The following CSMD2 variants were observed in gnomAD, a reference collection of about 807,000 sequenced individuals.
CSMD2 encodes the protein CUB and sushi domain-containing protein 2.
A neutral mutation model predicts 398.5 loss-of-function variants in CSMD2; 130 were observed. That is an observed-to-expected ratio of 0.33 (90% confidence interval 0.28 to 0.38). The LOEUF is 0.38. Among genes scored for constraint, CSMD2 ranks in the 10% least tolerant of loss-of-function variants. CSMD2 has a pLI of 1.00. For synonymous variants in CSMD2, 1,828 were observed against 1,908.5 expected, an observed-to-expected ratio of 0.96 and a Z score of 1.10; for missense variants, 3,829 against 4,764.9, an observed-to-expected ratio of 0.80 and a Z score of 5.78.
At chr1:33,880,542 C>A (rs1428444486) in intron 5 of CSMD2, among the ~76,000 whole-genome samples, 1 of 152,192 alleles carries the variant, frequency 6.6e-6, no homozygotes, top group African/African-American at 2.4e-5. Flanking sequence ...AAAGTGTGAC[C>A]CACATATGAG....
At chr1:33,877,957 G>A (rs1285697206) in intron 5 of CSMD2, among the ~76,000 whole-genome samples, 1 of 152,086 alleles carries the variant, frequency 6.6e-6, no homozygotes, top group Non-Finnish European at 1.5e-5. Context: ...CTGATGAGTG[G>A]AGCCAATCAG....
At chr1:33,725,658 T>A in intron 16 of CSMD2, 122 bp from the exon 17 acceptor site, 2 of 810,462 alleles carry the variant, frequency 2.5e-6, no homozygotes, top group Non-Finnish European at 4.0e-6. Context: ...TGGGATCTTT[T>A]AATATAATTT....
At chr1:33,551,626 C>G (rs1657451815) in intron 55 of CSMD2, among the ~76,000 whole-genome samples, 1 of 152,196 alleles carries the variant, frequency 6.6e-6, no homozygotes, top group South Asian at 2.1e-4. Flanking sequence ...GGTATCTTCA[C>G]TTCTCAATGT....
At chr1:33,617,858 C>T (rs1641495603) in intron 37 of CSMD2, among the ~76,000 whole-genome samples, 1 of 152,054 alleles carries the variant, frequency 6.6e-6, no homozygotes, top group Non-Finnish European at 1.5e-5. Flanking sequence ...GGGTGTGATC[C>T]CAGGGGATGC....
At chr1:33,985,771 G>A (rs1266999957) in intron 3 of CSMD2, among the ~76,000 whole-genome samples, 1 of 152,128 alleles carries the variant, frequency 6.6e-6, no homozygotes, top group African/African-American at 2.4e-5. Flanking sequence ...GCCAAGCTTA[G>A]TCCTGCTGGT....
Position 33,519,556 on chromosome 1 carries a change from C to A in CSMD2, c.10858G>T (p.Ala3620Ser). ...CACACTGTGCTGACTGTGAACTCCGCCTCGCTGGCCATGATGTCTGTGGGC... is the reference window on the plus strand; with the variant it reads ...CACACTGTGCTGACTGTGAACTCCGACTCGCTGGCCATGATGTCTGTGGGC... ...IQPTDIMASE[A>S]EFTVSTVCTA... The change falls in exon 70 of 71, where the codon GCG (alanine) becomes TCG (serine). Residue 3620 changes from alanine to serine, a missense_variant. Ala to Ser is a moderately conservative substitution (Grantham distance 99). Transcript: ENST00000373381. This position sits in a 1 kb window ranked among gnomAD's most constrained non-coding sequence, Gnocchi z 5.6. 1 of 1,614,044 alleles carries A rather than the reference C, an allele frequency of 6.2e-7. No individual in the cohort carries two copies. The highest frequency in any genetic ancestry group is 8.5e-7 in the Non-Finnish European group (1 of 1,180,022).
chr1:34,088,579 G>A (rs1173283038), intron 2 of CSMD2, among the ~76,000 whole-genome samples: 1 of 152,230 alleles, frequency 6.6e-6, no homozygotes, highest in Non-Finnish European at 1.5e-5. Context: ...GTCCAGAAAA[G>A]TATTGATGGT....
chr1:33,824,346 C>T (rs942160354), intron 7 of CSMD2, among the ~76,000 whole-genome samples: 1 of 152,172 alleles, frequency 6.6e-6, no homozygotes, highest in African/African-American at 2.4e-5. Flanking sequence ...TCCCCTAAAC[C>T]CCCAGTCAAG....
chr1:33,955,751 C>CATA (rs1558156746), intron 3 of CSMD2, among the ~76,000 whole-genome samples: 12 of 112,818 alleles, frequency 1.1e-4, no homozygotes, highest in Non-Finnish European at 1.4e-4. Context: ...CCACCATCAC[C>CATA]ATCATCATCA....
intron 1 of CSMD2, among the ~76,000 whole-genome samples, chr1:34,138,355 G>A (rs1241388445): frequency 6.6e-6 from 1 of 152,184 alleles, no homozygotes; most frequent in African/African-American, 2.4e-5. Context: ...AATCTCATAT[G>A]TTTGCAAATA....
chr1:33,845,172 T>A (rs1481743020), intron 6 of CSMD2, among the ~76,000 whole-genome samples: 1 of 152,140 alleles, frequency 6.6e-6, no homozygotes, highest in East Asian at 1.9e-4. Flanking sequence ...CAAAGCACCA[T>A]CAGAGGAGGC....
chr1:33,789,046 T>C (rs1653899658), intron 11 of CSMD2, among the ~76,000 whole-genome samples: 2 of 152,144 alleles, frequency 1.3e-5, no homozygotes, highest in Non-Finnish European at 2.9e-5. Flanking sequence ...CAAGAGGGTG[T>C]CTACATTCTT....
chr1:33,670,063 C>T (rs1644442281), intron 25 of CSMD2, among the ~76,000 whole-genome samples: 1 of 152,210 alleles, frequency 6.6e-6, no homozygotes, highest in African/African-American at 2.4e-5. Context: ...CAGTTTGTTA[C>T]AGCAGCCCTA....
chr1:34,164,382 G>A lies in CSMD2; in HGVS notation c.187+529C>T, dbSNP rs1641664497. On this transcript the variant is annotated intron_variant, in intron 1 of 70. Transcript: ENST00000373381. This position sits in a 1 kb window ranked among gnomAD's most constrained non-coding sequence, Gnocchi z 6.2. ...GGGATGGCGGCCGCAGTCTGCAGTC[G>A]GTTCCAGAGGGGGCACCGGTTTCAA... Among the ~76,000 whole-genome samples the A allele has an allele frequency of 6.6e-6, 1 of 152,064 alleles. No individual in the cohort carries two copies. The highest frequency in any genetic ancestry group is 1.9e-4 in the East Asian group (1 of 5,148).
In CSMD2 at chr1:33,600,955, T is replaced by G. The variant is rs749586244; in HGVS notation, c.6766A>C (p.Lys2256Gln). The G allele has an allele frequency of 6.2e-7, 1 of 1,614,154 alleles. No homozygotes were observed. The change falls in exon 44 of 71, where the codon AAG becomes CAG. Residue 2256 changes from lysine (K) to glutamine (Q), a missense_variant. Around this residue, in one of 5 missense-constraint regions of CSMD2, gnomAD observed 723 missense variants for 758.6 expected, o/e 0.95. Transcript: ENST00000373381. ...TTGGATGAACTCTGCACTGTTTTCT[T>G]GGCCATGCTCCGGGTGAAGACGCCG... is the stretch of plus-strand genomic sequence containing the variant. ...RLGVFTRSMAKKTVQSSSNQV... is the reference protein window; with the variant it reads ...RLGVFTRSMAQKTVQSSSNQV...
At chr1:34,018,726 A>G (rs548948858) in intron 3 of CSMD2, among the ~76,000 whole-genome samples, 1 of 152,218 alleles carries the variant, frequency 6.6e-6, no homozygotes, top group Non-Finnish European at 1.5e-5. Context: ...ACCACTTTGT[A>G]TGGGTTCATT....
Position 34,163,058 on chromosome 1 carries a change from C to A in CSMD2, c.187+1853G>T, listed in dbSNP as rs1452940578. ...TTCCAGCACCGCTGAGCGGTGCAAG[C>A]GCCGGTGAGTCGGCCTTTTTCTCTC... On this transcript the variant is annotated intron_variant, in intron 1 of 70. Transcript: ENST00000373381. The surrounding 1 kb of genome is among the most constrained non-coding windows in gnomAD (Gnocchi z 5.4). Among the ~76,000 whole-genome samples, 1 of 152,188 alleles carries A rather than the reference C, an allele frequency of 6.6e-6. No homozygotes were observed. The highest frequency in any genetic ancestry group is 1.5e-5 in the Non-Finnish European group (1 of 68,016).
intron 26 of CSMD2, among the ~76,000 whole-genome samples, chr1:33,660,944 A>T (rs1644109172): frequency 6.6e-6 from 1 of 152,146 alleles, no homozygotes; most frequent in Non-Finnish European, 1.5e-5. Flanking sequence ...GAATAAATAG[A>T]AGTAAAGTGC....
chr1:33,614,754 G>T (rs1570950390), intron 39 of CSMD2, 134 bp from the exon 40 acceptor site: 1 of 602,238 alleles, frequency 1.7e-6, no homozygotes, highest in East Asian at 2.8e-5. Flanking sequence ...AGAATCCAAA[G>T]GAATCTTCTT....
Sources: allele counts gnomAD v4.1 joint callset (sites outside exome capture counted in the v4.1 genomes callset), GRCh38; gene constraint gnomAD v4.1.1; regional missense constraint gnomAD v4.1.1; non-coding constraint Gnocchi (gnomAD v3.1); transcripts MANE v1.5; gene names NCBI Gene and HGNC (gene_info 2026-07-23, HGNC 2026-07-21).